Variants in CACNB2 observed in about 807,000 individuals in gnomAD.
CACNB2 encodes calcium voltage-gated channel auxiliary subunit beta 2, also known as voltage-dependent L-type calcium channel subunit beta-2.
CACNB2 carries 42 observed loss-of-function variants against 73.3 expected under a neutral mutation model. The observed-to-expected ratio is 0.57, with a 90% CI of 0.45 to 0.74. The LOEUF is 0.74. Ranked by LOEUF, CACNB2 falls within the 30% of genes least tolerant of loss-of-function variation. The probability of loss-of-function intolerance (pLI) is 0.00; values close to 1 mark genes in which losing one functional copy is unlikely to be tolerated. For synonymous variants in CACNB2, 348 were observed against 310.3 expected (o/e 1.12, Z -1.28); for missense variants, 940 against 853.0 (o/e 1.10, Z -1.27).
chr10:18,236,407 A>T (rs2036447676), intron 2 of CACNB2, among the ~76,000 whole-genome samples: 1 of 152,378 alleles, frequency 6.6e-6, no homozygotes, highest in East Asian at 1.9e-4. Flanking sequence ...TCCATAAAAA[A>T]CAGGTGAGGT....
intron 2 of CACNB2, among the ~76,000 whole-genome samples, chr10:18,391,002 C>CA (rs903718001): frequency 9.9e-5 from 15 of 152,230 alleles, no homozygotes; most frequent in African/African-American, 3.4e-4. Flanking sequence ...AGAAGCTTCA[C>CA]AAAAAATAAG....
intron 2 of CACNB2, among the ~76,000 whole-genome samples, chr10:18,226,853 G>A (rs1347857979): frequency 2.0e-5 from 3 of 152,072 alleles, no homozygotes; most frequent in Non-Finnish European, 2.9e-5. Context: ...TCCCAGTTTT[G>A]CCACACTGTA....
chr10:18,540,038 G>A lies in CACNB2; in HGVS notation c.*314G>A, dbSNP rs765210472. 5.7e-5 allele frequency: 17 copies of A among 298,830 alleles called. No homozygotes were observed. Among genetic ancestry groups the A allele is most frequent in the Non-Finnish European group, 9.5e-5 (15 of 158,498 alleles). 18.5% of individuals were successfully genotyped at this position (298,830 alleles called of 1,614,324 possible). A position where few individuals can be genotyped will look rare whatever the true frequency, so the allele number is the denominator to read the frequency against. ...CACCCAGGTGATGTTAGTGTTTTAA[G>A]AAATGTAGTTGATGTATCCAACAAG... is the stretch of plus-strand genomic sequence containing the variant. On this transcript the variant is annotated 3_prime_UTR_variant, in exon 14 of 14. Coordinates refer to ENST00000324631, the MANE Select transcript of CACNB2 (RefSeq NM_201596.3).
chr10:18,458,105 T>C (rs2047377762), intron 3 of CACNB2, among the ~76,000 whole-genome samples: 1 of 152,246 alleles, frequency 6.6e-6, no homozygotes, highest in Non-Finnish European at 1.5e-5. Context: ...TATCTCATTG[T>C]CTTTTATGAA....
intron 2 of CACNB2, among the ~76,000 whole-genome samples, chr10:18,180,860 G>C (rs2033836197): frequency 6.6e-6 from 1 of 151,938 alleles, no homozygotes; most frequent in Non-Finnish European, 1.5e-5. Flanking sequence ...CAGCTACTCA[G>C]GAGGCTGAGA....
chr10:18,307,420 C>T (rs2039777023), intron 2 of CACNB2, among the ~76,000 whole-genome samples: 1 of 152,210 alleles, frequency 6.6e-6, no homozygotes, highest in Non-Finnish European at 1.5e-5. Context: ...CGAGATTGCA[C>T]CACTGCACTC....
intron 12 of CACNB2, among the ~76,000 whole-genome samples, chr10:18,537,704 G>C (rs941290915): frequency 6.9e-6 from 1 of 145,748 alleles, no homozygotes; most frequent in African/African-American, 2.4e-5. Flanking sequence ...TTGAACCTGG[G>C]AGGCCAAGGT....
intron 3 of CACNB2, among the ~76,000 whole-genome samples, chr10:18,453,343 C>T (rs1382543273): frequency 6.6e-6 from 1 of 152,226 alleles, no homozygotes; most frequent in Non-Finnish European, 1.5e-5. Flanking sequence ...TAGCTCGTGT[C>T]AGCCTGACTT....
intron 2 of CACNB2, among the ~76,000 whole-genome samples, chr10:18,377,821 GCTGTTTTATTAAGGTTT>G (rs1429620022): frequency 3.9e-5 from 6 of 152,208 alleles, no homozygotes; most frequent in Admixed American, 3.9e-4. Context: ...TTGGTAGAAA[GCTGTTTTATTAAGGTTT>G]CTGAAAATTA....
intron 3 of CACNB2, among the ~76,000 whole-genome samples, chr10:18,449,984 G>A (rs564074288): frequency 1.5e-3 from 227 of 152,370 alleles, no homozygotes; most frequent in Admixed American, 5.4e-3. Flanking sequence ...AAGACCCGGG[G>A]CTGGCGGCAT....
rs776046024 is a variant in CACNB2 at position 18,514,254 on chromosome 10, C to T, written c.689C>T (p.Thr230Ile). The T allele has an allele frequency of 1.9e-6, 3 of 1,614,074 alleles. No homozygotes were observed. Among genetic ancestry groups the T allele is most frequent in the Non-Finnish European group, 2.5e-6 (3 of 1,179,980 alleles). ...TATATAGCTATAGACATAGATGCTA[C>T]TGGCTTAGATGCAGAAGAAAATGAT... The part of the protein sequence containing the change: ...PPSSAIDIDA[T>I]GLDAEENDIP... Residue 230 changes from threonine to isoleucine, a missense_variant, in exon 7 of 14, where the codon ACT becomes ATT. By Grantham distance (89) the Thr-to-Ile change is moderately conservative (BLOSUM62 -1). Transcript: ENST00000324631.
At chr10:18,258,319 G>C (rs1315067307) in intron 2 of CACNB2, among the ~76,000 whole-genome samples, 1 of 152,102 alleles carries the variant, frequency 6.6e-6, no homozygotes, top group African/African-American at 2.4e-5. Context: ...AATCATAGAG[G>C]GGATAGATCA....
intron 2 of CACNB2, among the ~76,000 whole-genome samples, chr10:18,292,208 T>C (rs1187499688): frequency 6.6e-6 from 1 of 152,214 alleles, no homozygotes; most frequent in Admixed American, 6.5e-5. Flanking sequence ...ATATTGTTGG[T>C]GTGTTCCTTT....
chr10:18,235,455 C>G (rs1321328699), intron 2 of CACNB2, among the ~76,000 whole-genome samples: 2 of 152,224 alleles, frequency 1.3e-5, no homozygotes, highest in African/African-American at 4.8e-5. Flanking sequence ...AAGACCCTGT[C>G]TCTAAATTTT....
chr10:18,440,186 C>T (rs983326995), intron 3 of CACNB2, among the ~76,000 whole-genome samples: 1 of 152,056 alleles, frequency 6.6e-6, no homozygotes, highest in Non-Finnish European at 1.5e-5. Flanking sequence ...TCCTTCAATC[C>T]CTTTTATAAA....
chr10:18,171,720 C>A (rs2033260371), intron 2 of CACNB2, among the ~76,000 whole-genome samples: 1 of 151,800 alleles, frequency 6.6e-6, no homozygotes, highest in Admixed American at 6.6e-5. Flanking sequence ...GATCAAGTAC[C>A]ATCAGAGTTG....
intron 4 of CACNB2, among the ~76,000 whole-genome samples, chr10:18,499,056 A>C (rs2050013623): frequency 6.6e-6 from 1 of 152,164 alleles, no homozygotes; most frequent in African/African-American, 2.4e-5. Flanking sequence ...ACAACCTGCA[A>C]ATTGGAAACT....
intron 2 of CACNB2, among the ~76,000 whole-genome samples, chr10:18,162,443 G>T (rs149371317): frequency 5.3e-5 from 8 of 152,086 alleles, no homozygotes; most frequent in Admixed American, 2.6e-4. Flanking sequence ...ACGCGTACTC[G>T]TTCACCAATG....
intron 2 of CACNB2, among the ~76,000 whole-genome samples, chr10:18,398,682 CACACACACAT>C (rs773540666): frequency 0.036 from 4,193 of 118,020 alleles, 115 homozygotes; most frequent in African/African-American, 0.094. Context: ...CACACACACA[CACACACACAT>C]ACACACACAC....
Sources: allele counts gnomAD v4.1 joint callset (sites outside exome capture counted in the v4.1 genomes callset), GRCh38; gene constraint gnomAD v4.1.1; transcripts MANE v1.5; gene names NCBI Gene and HGNC (gene_info 2026-07-23, HGNC 2026-07-21).